Variants in ALK observed in about 807,000 individuals in gnomAD.
ALK encodes the protein ALK tyrosine kinase receptor.
ALK carries 74 observed loss-of-function variants against 163.1 expected under a neutral mutation model. The ratio of observed to expected loss-of-function variants is 0.45; its 90% CI spans 0.38 to 0.55. ALK has a LOEUF of 0.55. Among genes scored for constraint, ALK ranks in the 20% least tolerant of loss-of-function variants. The pLI, the probability that ALK is intolerant of heterozygous loss-of-function variation, is 0.00. For missense variants in ALK, 2,063 were observed against 2,105.3 expected, an observed-to-expected ratio of 0.98 and a Z score of 0.39; for synonymous variants, 960 against 843.2, an observed-to-expected ratio of 1.14 and a Z score of -2.40.
intron 1 of ALK, among the ~76,000 whole-genome samples, chr2:29,780,723 A>C (rs1681310360): frequency 6.6e-6 from 1 of 152,220 alleles, no homozygotes; most frequent in African/African-American, 2.4e-5. Context: ...CAGATGCCAC[A>C]GCAAAAAGCC....
At chr2:29,760,204 C>A (rs557534810) in intron 1 of ALK, among the ~76,000 whole-genome samples, 2 of 151,942 alleles carry the variant, frequency 1.3e-5, no homozygotes. Flanking sequence ...CACACCCCTA[C>A]ACACACACAC....
At chr2:29,781,323 A>G (rs1179895966) in intron 1 of ALK, among the ~76,000 whole-genome samples, 1 of 152,100 alleles carries the variant, frequency 6.6e-6, no homozygotes, top group Non-Finnish European at 1.5e-5. Context: ...TTAAGCTTTT[A>G]CACAAATCTC....
chr2:29,464,816 G>C (rs2148105742), intron 4 of ALK, among the ~76,000 whole-genome samples: 1 of 152,270 alleles, frequency 6.6e-6, no homozygotes, highest in South Asian at 2.1e-4. Flanking sequence ...GTATTAACTA[G>C]CACCAAGTGT....
At chr2:29,720,950 A>G (rs1679404427) in intron 1 of ALK, among the ~76,000 whole-genome samples, 1 of 152,208 alleles carries the variant, frequency 6.6e-6, no homozygotes, top group Non-Finnish European at 1.5e-5. Context: ...TGGCTCAAGT[A>G]GAGTGACTCT....
chr2:29,680,103 T>C (rs1331332476), intron 3 of ALK, among the ~76,000 whole-genome samples: 1 of 152,048 alleles, frequency 6.6e-6, no homozygotes, highest in Non-Finnish European at 1.5e-5. Context: ...TGTTCTCTTG[T>C]TGTTTAAGAT....
At chr2:29,245,547 C>T (rs936223732) in intron 12 of ALK, among the ~76,000 whole-genome samples, 1 of 141,128 alleles carries the variant, frequency 7.1e-6, no homozygotes, top group African/African-American at 2.7e-5. Flanking sequence ...GTGCCCTGCA[C>T]AAAGTAGGGC....
At chr2:29,244,174 C>T (rs923203688) in intron 12 of ALK, among the ~76,000 whole-genome samples, 55 of 152,324 alleles carry the variant, frequency 3.6e-4, no homozygotes, top group African/African-American at 1.2e-3. Context: ...CATTCCTTTC[C>T]GGCACACCCT....
At chr2:29,391,760 CTT>C (rs1669181202) in intron 4 of ALK, among the ~76,000 whole-genome samples, 1 of 152,100 alleles carries the variant, frequency 6.6e-6, no homozygotes, top group African/African-American at 2.4e-5. Flanking sequence ...AGCAGCCAGA[CTT>C]TTATTGGCTG....
intron 4 of ALK, among the ~76,000 whole-genome samples, chr2:29,444,865 C>T (rs1323137495): frequency 6.6e-6 from 1 of 152,162 alleles, no homozygotes; most frequent in East Asian, 1.9e-4. Flanking sequence ...TAGCTGACTC[C>T]TTGGTCCTGC....
At chr2:29,576,066 A>T (rs1379618639) in intron 3 of ALK, among the ~76,000 whole-genome samples, 3 of 152,230 alleles carry the variant, frequency 2.0e-5, no homozygotes, top group Non-Finnish European at 4.4e-5. Context: ...ATCCCATTTC[A>T]TAATTAGCCA....
intron 5 of ALK, among the ~76,000 whole-genome samples, chr2:29,370,161 T>C (rs1328643262): frequency 6.6e-6 from 1 of 151,924 alleles, no homozygotes; most frequent in African/African-American, 2.4e-5. Flanking sequence ...ATTCAAATCA[T>C]GTAGTTCAAG....
intron 1 of ALK, among the ~76,000 whole-genome samples, chr2:29,909,851 G>C (rs924374059): frequency 6.6e-6 from 1 of 151,916 alleles, no homozygotes; most frequent in African/African-American, 2.4e-5. Context: ...AACAAAGCTT[G>C]ACAATAATCC....
intron 26 of ALK, among the ~76,000 whole-genome samples, chr2:29,206,206 T>C (rs924197792): frequency 6.6e-6 from 1 of 150,994 alleles, no homozygotes; most frequent in African/African-American, 2.4e-5. Flanking sequence ...CTCCCTTTCT[T>C]CTCTCTCCTC....
At chr2:29,607,026 C>T (rs767659808) in intron 3 of ALK, among the ~76,000 whole-genome samples, 1 of 152,244 alleles carries the variant, frequency 6.6e-6, no homozygotes, top group Non-Finnish European at 1.5e-5. Context: ...CCTGACCTAT[C>T]AGCATTCCAC....
Position 29,193,503 on chromosome 2 carries a change from G to T in ALK, c.4584C>A (p.His1528Gln), listed in dbSNP as rs746470148. The T allele has an allele frequency of 2.5e-6, 4 of 1,614,170 alleles. No homozygotes were observed. Among genetic ancestry groups the T allele is most frequent in the East Asian group, 2.2e-5 (1 of 44,896 alleles). The change falls in exon 29 of 29, where the codon CAC becomes CAA. Residue 1528 changes from histidine to glutamine, a missense_variant. His to Gln is a conservative substitution (Grantham distance 24, BLOSUM62 0). Around this residue, in one of 5 missense-constraint regions of ALK, gnomAD observed 403 missense variants for 366.2 expected, o/e 1.10. Coordinates refer to ENST00000389048, the MANE Select transcript of ALK (RefSeq NM_004304.5). ...KNNPIAKKEPHDRGNLGLEGS... is the reference protein window; with the variant it reads ...KNNPIAKKEPQDRGNLGLEGS... ...CCTCCAGCCCCAGGTTACCCCTGTCGTGTGGCTCCTTCTTTGCTATAGGAT... is the reference window on the plus strand; with the variant it reads ...CCTCCAGCCCCAGGTTACCCCTGTCTTGTGGCTCCTTCTTTGCTATAGGAT...
intron 3 of ALK, among the ~76,000 whole-genome samples, chr2:29,599,199 A>AC (rs1231370416): frequency 6.6e-6 from 1 of 152,130 alleles, no homozygotes; most frequent in Middle Eastern, 3.2e-3. Context: ...AAAAAAAAAA[A>AC]ACACATTACA....
At chr2:29,857,543 C>A (rs1244663126) in intron 1 of ALK, among the ~76,000 whole-genome samples, 4 of 152,154 alleles carry the variant, frequency 2.6e-5, no homozygotes, top group African/African-American at 9.7e-5. Flanking sequence ...GCAGTTTAAA[C>A]AATCAAAGGA....
At chr2:29,268,749 T>C (rs892694130) in intron 11 of ALK, among the ~76,000 whole-genome samples, 3 of 152,204 alleles carry the variant, frequency 2.0e-5, no homozygotes, top group Non-Finnish European at 4.4e-5. Flanking sequence ...CTAACAGGCA[T>C]GGGCTTAGAG....
At chr2:29,468,122 G>T (rs139237436) in intron 4 of ALK, among the ~76,000 whole-genome samples, 19 of 151,892 alleles carry the variant, frequency 1.3e-4, no homozygotes, top group Non-Finnish European at 2.6e-4. Context: ...TGCGCCTACC[G>T]GGTTCAAGTG....
Sources: allele counts gnomAD v4.1 joint callset (sites outside exome capture counted in the v4.1 genomes callset), GRCh38; gene constraint gnomAD v4.1.1; regional missense constraint gnomAD v4.1.1; transcripts MANE v1.5; gene names NCBI Gene and HGNC (gene_info 2026-07-23, HGNC 2026-07-21).